VPS13D: variants seen among roughly 807,000 people sequenced by gnomAD.
The protein encoded by VPS13D is vacuolar protein sorting 13 homolog D, also known as intermembrane lipid transfer protein VPS13D.
In VPS13D, 187 loss-of-function variants were observed where a neutral mutation model predicts 461.9. The observed-to-expected ratio is 0.40, with a 90% CI of 0.36 to 0.46. The LOEUF is 0.46. Ranked by LOEUF, VPS13D falls within the 20% of genes least tolerant of loss-of-function variation. The pLI is 0.60. For missense variants in VPS13D, 4,711 were observed against 5,364.9 expected (o/e 0.88, Z 3.81); for synonymous variants, 1,951 against 1,986.3 (o/e 0.98, Z 0.47).
Position 12,507,197 on chromosome 1 carries a change from G to A in VPS13D, c.13035+104G>A. On this transcript the variant is annotated intron_variant, in intron 69 of 69. Coordinates refer to ENST00000620676, the MANE Select transcript of VPS13D (RefSeq NM_015378.4). This position sits in a 1 kb window ranked among gnomAD's most constrained non-coding sequence, Gnocchi z 5.3. ...GCAGGAGCTCATTTAGGAGGTTGAG[G>A]CTGGGCCCTTCCCAGGAGTGCTGCC... The A allele has an allele frequency of 6.3e-7, 1 of 1,597,754 alleles. No individual in the cohort carries two copies. Among genetic ancestry groups the A allele is most frequent in the Non-Finnish European group, 8.5e-7 (1 of 1,170,750 alleles).
chr1:12,455,820 G>A (rs765010397), intron 65 of VPS13D, among the ~76,000 whole-genome samples, 178 bp from the exon 66 acceptor site: 31 of 152,256 alleles, frequency 2.0e-4, no homozygotes, highest in Admixed American at 5.2e-4. Context: ...TCGGGAGCCT[G>A]AGGCAGGAGA....
chr1:12,473,315 A>G lies in VPS13D; in HGVS notation c.12662+12919A>G, dbSNP rs1489451537. On this transcript the variant is annotated intron_variant, in intron 67 of 69. Transcript: ENST00000620676. This position sits in a 1 kb window ranked among gnomAD's most constrained non-coding sequence, Gnocchi z 4.2. The stretch of plus-strand genomic sequence containing the variant: ...TCACAGGTTCTTCCCCAGTTCTGAA[A>G]AAGAAATAGGAAGGGGCAACGTGGC... Among the ~76,000 whole-genome samples, 3 of 152,244 alleles carry G rather than the reference A, an allele frequency of 2.0e-5. No individual in the cohort carries two copies. Among genetic ancestry groups the G allele is most frequent in the African/African-American group, 7.2e-5 (3 of 41,462 alleles).
At chr1:12,432,494 A>G (rs1423730641) in intron 65 of VPS13D, among the ~76,000 whole-genome samples, 1 of 151,982 alleles carries the variant, frequency 6.6e-6, no homozygotes, top group African/African-American at 2.4e-5. Context: ...GACACTGAAA[A>G]TGTGGATGTG....
chr1:12,289,866 G>A (rs1642076146), intron 22 of VPS13D, among the ~76,000 whole-genome samples: 1 of 152,020 alleles, frequency 6.6e-6, no homozygotes, highest in African/African-American at 2.4e-5. Flanking sequence ...AGCCTGGAAG[G>A]TCAAGGCTGC....
intron 66 of VPS13D, among the ~76,000 whole-genome samples, chr1:12,459,532 G>A (rs1004877731): frequency 5.1e-4 from 76 of 148,234 alleles, no homozygotes; most frequent in African/African-American, 1.9e-3. Flanking sequence ...AGACTGGAGT[G>A]CAATGCTGCG....
At chr1:12,301,714 G>A (rs918908704) in intron 25 of VPS13D, among the ~76,000 whole-genome samples, 1 of 152,154 alleles carries the variant, frequency 6.6e-6, no homozygotes, top group African/African-American at 2.4e-5. Context: ...GGAGGCCTGG[G>A]CACTGAAACT....
At chr1:12,342,472 G>A (rs1229259782) in intron 41 of VPS13D, among the ~76,000 whole-genome samples, 2 of 152,220 alleles carry the variant, frequency 1.3e-5, no homozygotes, top group African/African-American at 4.8e-5. Context: ...GTCATGAAGT[G>A]CATGGCATGA....
chr1:12,320,497 G>C (rs1271134463), intron 32 of VPS13D, among the ~76,000 whole-genome samples: 1 of 152,132 alleles, frequency 6.6e-6, no homozygotes, highest in Non-Finnish European at 1.5e-5. Flanking sequence ...TTCACTGTTA[G>C]GAGTATATGG....
At chr1:12,230,983 C>T (rs1639953508) in intron 1 of VPS13D, among the ~76,000 whole-genome samples, 1 of 152,168 alleles carries the variant, frequency 6.6e-6, no homozygotes, top group African/African-American at 2.4e-5. Flanking sequence ...ACAGCCGTCC[C>T]CGCCCCGGTT....
chr1:12,237,765 T>A (rs1640204873), intron 2 of VPS13D, among the ~76,000 whole-genome samples: 1 of 152,048 alleles, frequency 6.6e-6, no homozygotes, highest in African/African-American at 2.4e-5. Flanking sequence ...AGGTCGAGGC[T>A]GCATTGAGCT....
At chr1:12,321,336 A>G (rs1643030315) in intron 32 of VPS13D, among the ~76,000 whole-genome samples, 1 of 152,040 alleles carries the variant, frequency 6.6e-6, no homozygotes, top group South Asian at 2.1e-4. Flanking sequence ...TCTTTCCTTA[A>G]AGTTGGGGAG....
chr1:12,434,081 C>A (rs1327197840), intron 65 of VPS13D, among the ~76,000 whole-genome samples: 1 of 152,068 alleles, frequency 6.6e-6, no homozygotes, highest in Non-Finnish European at 1.5e-5. Flanking sequence ...AGAGGCTGAG[C>A]ATTTGGTTAT....
In VPS13D at chr1:12,356,107, CT is replaced by C; in HGVS notation, c.9871+18del. On this transcript the variant is annotated intron_variant, in intron 48 of 69. Transcript: ENST00000620676. ...ACAAAACAGGTACATACAGGGGCTG[CT>C]CAAGTAGGTCTTTGGCGTTAGTCAT... is the stretch of plus-strand genomic sequence containing the variant. The C allele has an allele frequency of 6.3e-7, 1 of 1,585,792 alleles. No individual in the cohort carries two copies. Among genetic ancestry groups the C allele is most frequent in the Non-Finnish European group, 8.6e-7 (1 of 1,163,720 alleles).
intron 63 of VPS13D, chr1:12,410,032 A>G (rs1019677614): frequency 4.9e-6 from 2 of 407,356 alleles, no homozygotes; most frequent in South Asian, 1.8e-5. Flanking sequence ...TGGCAGTCTC[A>G]TGGGGCTAGC....
At chr1:12,329,701 C>G (rs1643280979) in intron 36 of VPS13D, 128 bp from the exon 37 acceptor site, 7 of 646,616 alleles carry the variant, frequency 1.1e-5, no homozygotes, top group Non-Finnish European at 1.9e-5. Context: ...ACATGATGAA[C>G]AAAGTATCAG....
At chr1:12,348,354 G>A (rs1257804025) in intron 44 of VPS13D, among the ~76,000 whole-genome samples, 1 of 152,192 alleles carries the variant, frequency 6.6e-6, no homozygotes, top group African/African-American at 2.4e-5. Context: ...AATTGTGTTG[G>A]ATGTTCTTTA....
chr1:12,374,400 C>G (rs1038899796), intron 55 of VPS13D, among the ~76,000 whole-genome samples: 1 of 151,792 alleles, frequency 6.6e-6, no homozygotes, highest in Non-Finnish European at 1.5e-5. Context: ...GTTTTTTTTA[C>G]TTTTTATTTG....
Position 12,508,895 on chromosome 1 carries a change from C to T in VPS13D, c.13038C>T (p.Val4346=), listed in dbSNP as rs754119263. 20 of 1,613,862 alleles carry T rather than the reference C, an allele frequency of 1.2e-5. No individual in the cohort carries two copies. The African/African-American group carries it at 2.4e-4, about 19-fold the overall frequency. ...IPGPSHQKPM[V]HVKSEVLAVK... ...ACCCATCCTGTTCTCCTCCTTAGGT[C>T]CATGTGAAATCTGAGGTCCTTGCTG... The change falls in exon 70 of 70, where the codon GTC becomes GTT. Residue 4346 remains valine (V), a splice_region_variant and synonymous_variant. Transcript: ENST00000620676.
chr1:12,481,737 C>T (rs1277584092), intron 67 of VPS13D, among the ~76,000 whole-genome samples: 3 of 152,142 alleles, frequency 2.0e-5, no homozygotes, highest in African/African-American at 4.8e-5. Context: ...TGTAGTTCAC[C>T]CTGATGAGAA....
Sources: allele counts gnomAD v4.1 joint callset (sites outside exome capture counted in the v4.1 genomes callset), GRCh38; gene constraint gnomAD v4.1.1; non-coding constraint Gnocchi (gnomAD v3.1); transcripts MANE v1.5; gene names NCBI Gene and HGNC (gene_info 2026-07-23, HGNC 2026-07-21).